EBF2: variants seen among roughly 807,000 people sequenced by gnomAD.
EBF2 encodes the protein transcription factor COE2.
In EBF2, 21 loss-of-function variants were observed where a neutral mutation model predicts 72.8. The ratio of observed to expected loss-of-function variants is 0.29; its 90% confidence interval spans 0.20 to 0.42. The LOEUF is 0.42. EBF2 is among the 10% of genes least tolerant of loss of function. The pLI, the probability that EBF2 is intolerant of heterozygous loss-of-function variation, is 1.00. For missense variants in EBF2, 637 were observed against 731.2 expected (o/e 0.87, Z 1.49); for synonymous variants, 299 against 274.2 (o/e 1.09, Z -0.89).
At chr8:25,877,949 G>A (rs965037703) in intron 10 of EBF2, among the ~76,000 whole-genome samples, 8 of 152,126 alleles carry the variant, frequency 5.3e-5, no homozygotes, top group African/African-American at 1.9e-4. Flanking sequence ...GCATTGTCTG[G>A]AATGGTGCCA....
chr8:25,910,551 A>AG (rs1188541222), intron 6 of EBF2, among the ~76,000 whole-genome samples: 1 of 152,320 alleles, frequency 6.6e-6, no homozygotes. Flanking sequence ...ATGTTCATGA[A>AG]GGCATTATTA....
At chr8:25,846,221 G>A (rs1422014014) in intron 15 of EBF2, among the ~76,000 whole-genome samples, 2 of 148,634 alleles carry the variant, frequency 1.3e-5, no homozygotes, top group Non-Finnish European at 3.0e-5. Flanking sequence ...CCAGAGTGTA[G>A]GAGGTTTTTT....
intron 6 of EBF2, among the ~76,000 whole-genome samples, chr8:25,997,690 A>G (rs1351850410): frequency 6.6e-6 from 1 of 152,148 alleles, no homozygotes; most frequent in East Asian, 1.9e-4. Context: ...GACCTGTTCT[A>G]TCATTAACTA....
chr8:25,879,014 T>G (rs1171556457), intron 10 of EBF2, among the ~76,000 whole-genome samples: 1 of 152,180 alleles, frequency 6.6e-6, no homozygotes, highest in Non-Finnish European at 1.5e-5. Flanking sequence ...AATTTTAAAT[T>G]ATTTAATTTT....
intron 6 of EBF2, among the ~76,000 whole-genome samples, chr8:25,909,882 G>T (rs1039109711): frequency 6.6e-5 from 10 of 152,114 alleles, no homozygotes; most frequent in African/African-American, 2.4e-4. Flanking sequence ...CATGAATAAG[G>T]TTGAGTGTGA....
intron 10 of EBF2, among the ~76,000 whole-genome samples, chr8:25,873,006 T>C (rs1802466712): frequency 6.6e-6 from 1 of 152,230 alleles, no homozygotes; most frequent in South Asian, 2.1e-4. Flanking sequence ...CTGTCTTCCA[T>C]GTGCTAGGAT....
At chr8:25,896,661 C>T (rs914870062) in intron 7 of EBF2, among the ~76,000 whole-genome samples, 3 of 152,092 alleles carry the variant, frequency 2.0e-5, no homozygotes, top group Admixed American at 1.3e-4. Flanking sequence ...ACAGAGAAAC[C>T]ATTAAAGGGA....
At chr8:25,869,576 G>A (rs1180167409) in intron 10 of EBF2, among the ~76,000 whole-genome samples, 1 of 152,032 alleles carries the variant, frequency 6.6e-6, no homozygotes, top group Non-Finnish European at 1.5e-5. Flanking sequence ...TATTTTGGGG[G>A]TGGGGGCCGA....
intron 6 of EBF2, among the ~76,000 whole-genome samples, chr8:25,924,802 G>A (rs752693430): frequency 1.3e-5 from 2 of 152,142 alleles, no homozygotes; most frequent in Admixed American, 6.5e-5. Flanking sequence ...ATATGATTTG[G>A]CACAAGACAT....
intron 7 of EBF2, among the ~76,000 whole-genome samples, chr8:25,898,782 A>G (rs577554735): frequency 3.3e-5 from 5 of 152,322 alleles, no homozygotes; most frequent in African/African-American, 9.6e-5. Flanking sequence ...CCTATCAAAA[A>G]TCAGGAGCAC....
chr8:25,938,233 C>CT (rs917912520), intron 6 of EBF2, among the ~76,000 whole-genome samples: 5 of 151,650 alleles, frequency 3.3e-5, no homozygotes, highest in East Asian at 1.9e-4. Context: ...TATTAATTTT[C>CT]TTTTTTTTCA....
rs543908931 is a variant in EBF2, at chr8:25,844,563, G to T, written c.*46C>A. The T allele has an allele frequency of 1.4e-5, 22 of 1,608,394 alleles. No homozygotes were observed. The highest frequency in any genetic ancestry group is 1.8e-5 in the Non-Finnish European group (21 of 1,174,876). On this transcript the variant is annotated 3_prime_UTR_variant, in exon 16 of 16. Transcript: ENST00000520164. ...GCTCCTAGTGCTTTCTTCATTATTG[G>T]TCCATCAGAGTAAGTAGTTTTGTGC... is the stretch of plus-strand genomic sequence containing the variant.
intron 6 of EBF2, among the ~76,000 whole-genome samples, chr8:26,030,092 T>C (rs1239874287): frequency 6.6e-6 from 1 of 152,066 alleles, no homozygotes; most frequent in Non-Finnish European, 1.5e-5. Flanking sequence ...TTTTAGTTTT[T>C]GTAGAGATGG....
intron 6 of EBF2, among the ~76,000 whole-genome samples, chr8:26,006,050 A>C (rs1480816751): frequency 6.6e-6 from 1 of 152,176 alleles, no homozygotes; most frequent in Admixed American, 6.5e-5. Context: ...ACAAGGAGCC[A>C]AACATCCTTG....
At chr8:25,981,483 C>A (rs996673627) in intron 6 of EBF2, among the ~76,000 whole-genome samples, 1 of 152,048 alleles carries the variant, frequency 6.6e-6, no homozygotes. Flanking sequence ...TGCAGTCAGA[C>A]AACATGCACC....
At chr8:25,923,976 CTACTTTTCATGTGATCTATAAAATTAA>C (rs1408683843) in intron 6 of EBF2, among the ~76,000 whole-genome samples, 5 of 152,128 alleles carry the variant, frequency 3.3e-5, no homozygotes, top group African/African-American at 1.2e-4. Context: ...TAAATGTCAT[CTACTTTTCATGTGATCTATAAAATTAA>C]TCTCCCATGC....
chr8:25,954,956 G>T (rs888013352), intron 6 of EBF2, among the ~76,000 whole-genome samples: 2 of 152,232 alleles, frequency 1.3e-5, no homozygotes, highest in Admixed American at 1.3e-4. Context: ...AGGGACCTGG[G>T]GTCTGTGCTG....
chr8:25,960,812 A>G (rs1036381605), intron 6 of EBF2, among the ~76,000 whole-genome samples: 2 of 152,244 alleles, frequency 1.3e-5, no homozygotes, highest in African/African-American at 4.8e-5. Flanking sequence ...TTAGAAAACC[A>G]GATTATAATA....
At position 26,040,614 on chromosome 8, in the gene EBF2, A is replaced by T. The variant is rs1805583322; in HGVS notation, c.408+2T>A. ...AGAGAAGCCAAGTGGCCTCCGGCTC[A>T]CCTGCTTGGTGACCGAGTCGATGAG... On this transcript the variant is annotated splice_donor_variant, in intron 4 of 15. Coordinates refer to ENST00000520164, the MANE Select transcript of EBF2 (RefSeq NM_022659.4). LOFTEE classifies it high-confidence loss of function. 1 of 1,552,400 alleles carries T rather than the reference A, an allele frequency of 6.4e-7. No homozygotes were observed. The highest frequency in any genetic ancestry group is 1.4e-5 in the African/African-American group (1 of 73,064).
Sources: gnomAD v4.1 joint callset for allele counts (sites outside exome capture counted in the v4.1 genomes callset) on GRCh38, gnomAD v4.1.1 for gene constraint, MANE v1.5 for transcripts, NCBI Gene and HGNC (gene_info 2026-07-23, HGNC 2026-07-21) for gene names.